PRKCZ: variants seen among roughly 807,000 people sequenced by gnomAD.
PRKCZ encodes protein kinase C zeta type.
Under a neutral mutation model 79.5 loss-of-function variants are expected in PRKCZ, and 33 were observed. The observed-to-expected ratio is 0.41, with a 90% CI of 0.31 to 0.55. PRKCZ has a LOEUF of 0.55. Ranked by LOEUF, PRKCZ falls within the 20% of genes least tolerant of loss-of-function variation. The probability of loss-of-function intolerance (pLI) is 0.19; values close to 1 mark genes in which losing one functional copy is unlikely to be tolerated. For synonymous variants in PRKCZ, 342 were observed against 320.9 expected, an observed-to-expected ratio of 1.07 and a Z score of -0.70; for missense variants, 578 against 813.5, an observed-to-expected ratio of 0.71 and a Z score of 3.52.
chr1:2,067,564 G>T (rs542523887), intron 4 of PRKCZ, among the ~76,000 whole-genome samples: 3 of 152,280 alleles, frequency 2.0e-5, no homozygotes, highest in African/African-American at 7.2e-5. Flanking sequence ...GTAATCGGGC[G>T]GTGGAGCTGG....
chr1:2,124,353 CGGT>C, intron 4 of PRKCZ, among the ~76,000 whole-genome samples: 1 of 2,530 alleles, frequency 4.0e-4, no homozygotes, highest in African/African-American at 1.1e-3. Context: ...AGGGTCACGG[CGGT>C]GGTTAGGGTC....
At chr1:2,129,642 A>C (rs940281357) in intron 4 of PRKCZ, among the ~76,000 whole-genome samples, 2 of 152,116 alleles carry the variant, frequency 1.3e-5, no homozygotes, top group African/African-American at 2.4e-5. Flanking sequence ...GGAGCCAGGC[A>C]GGGGGGGTCT....
chr1:2,149,230 G>A lies in PRKCZ; in HGVS notation c.687+306G>A, dbSNP rs1239196169. The stretch of plus-strand genomic sequence containing the variant: ...TACAGTGGCCCAGGGGCTGGCTTTT[G>A]AGCTGCAATTTTTATCAAGTTGTGT... On this transcript the variant is annotated intron_variant, in intron 8 of 17. Coordinates refer to ENST00000378567, the MANE Select transcript of PRKCZ (RefSeq NM_002744.6). The surrounding 1 kb of genome is among the most constrained non-coding windows in gnomAD (Gnocchi z 4.1). Among the ~76,000 whole-genome samples, 3 of 152,186 alleles carry A rather than the reference G, an allele frequency of 2.0e-5. No individual in the cohort carries two copies. Among genetic ancestry groups the A allele is most frequent in the Admixed American group, 6.5e-5 (1 of 15,284 alleles).
At chr1:2,076,139 G>A (rs1048517608) in intron 4 of PRKCZ, among the ~76,000 whole-genome samples, 1 of 152,234 alleles carries the variant, frequency 6.6e-6, no homozygotes, top group South Asian at 2.1e-4. Flanking sequence ...GGTGCCCAGT[G>A]CCATCGAGGG....
chr1:2,090,634 G>A (rs1263689682), intron 4 of PRKCZ, among the ~76,000 whole-genome samples: 3 of 152,230 alleles, frequency 2.0e-5, no homozygotes, highest in Non-Finnish European at 4.4e-5. Flanking sequence ...ATGTAGGAAT[G>A]AAGCCCTCGT....
chr1:2,131,068 G>A (rs1674860625), intron 4 of PRKCZ, among the ~76,000 whole-genome samples: 1 of 152,218 alleles, frequency 6.6e-6, no homozygotes. Context: ...CAGCTGGACT[G>A]CAGTGGGGTG....
chr1:2,134,391 A>G (rs917925179), intron 4 of PRKCZ, among the ~76,000 whole-genome samples: 10 of 152,194 alleles, frequency 6.6e-5, no homozygotes, highest in African/African-American at 2.4e-4. Flanking sequence ...TTTATGATGG[A>G]ATTTTATAAA....
chr1:2,148,557 C>G (rs1265184176), intron 7 of PRKCZ, among the ~76,000 whole-genome samples: 1 of 152,224 alleles, frequency 6.6e-6, no homozygotes, highest in Admixed American at 6.5e-5. Flanking sequence ...CATCCATCCA[C>G]CAGACATCCA....
chr1:2,150,755 C>G (rs758288113), intron 8 of PRKCZ, 35 bp from the exon 9 acceptor site: 5 of 1,592,704 alleles, frequency 3.1e-6, no homozygotes, highest in Middle Eastern at 1.7e-4. Flanking sequence ...GGGAACCCCC[C>G]TCTCACTTTC....
chr1:2,055,756 G>A (rs557085757), intron 2 of PRKCZ, 194 bp downstream of exon 2: 25 of 770,810 alleles, frequency 3.2e-5, no homozygotes, highest in Middle Eastern at 3.9e-4. Flanking sequence ...AAGGACCTGG[G>A]CCCAGATGCC....
intron 4 of PRKCZ, among the ~76,000 whole-genome samples, chr1:2,063,273 A>C (rs1444576072): frequency 2.0e-5 from 3 of 152,230 alleles, no homozygotes; most frequent in Non-Finnish European, 4.4e-5. Context: ...TTCTGGGTGT[A>C]GACCCGGAAG....
intron 4 of PRKCZ, among the ~76,000 whole-genome samples, chr1:2,060,166 A>T (rs929202938): frequency 5.9e-5 from 9 of 151,830 alleles, no homozygotes; most frequent in Non-Finnish European, 7.4e-5. Flanking sequence ...TTCCACCCCC[A>T]CTCTCCAGAC....
chr1:2,169,672 T>C, intron 11 of PRKCZ, 68 bp downstream of exon 11: 2 of 386,608 alleles, frequency 5.2e-6, no homozygotes, highest in Non-Finnish European at 6.7e-6. Flanking sequence ...CGTGCGGTGT[T>C]GGGGGGCTGG....
At chr1:2,055,409 G>T (rs201893395) in intron 1 of PRKCZ, 32 bp from the exon 2 acceptor site, 1 of 1,568,290 alleles carries the variant, frequency 6.4e-7, no homozygotes, top group East Asian at 2.3e-5. Flanking sequence ...TATGCCCCAC[G>T]GTAACAGATG....
In PRKCZ at chr1:2,144,302, C is replaced by T. The variant is rs1678026984; in HGVS notation, c.513C>T (p.Arg171=). 2 of 1,573,004 alleles carry T rather than the reference C, an allele frequency of 1.3e-6. No homozygotes were observed. The highest frequency in any genetic ancestry group is 1.3e-5 in the African/African-American group (1 of 74,554). Residue 171 remains arginine (R), a synonymous_variant, in exon 6 of 18, where the codon CGC becomes CGT. Coordinates refer to ENST00000378567, the MANE Select transcript of PRKCZ (RefSeq NM_002744.6). The stretch of plus-strand genomic sequence containing the variant: ...ACTGCAAACTGCTGGTCCATAAGCG[C>T]TGCCACGGCCTCGTCCCGCTGACCT... ...CINCKLLVHK[R]CHGLVPLTCR...
chr1:2,062,902 C>G (rs1311377560), intron 4 of PRKCZ, among the ~76,000 whole-genome samples: 2 of 152,174 alleles, frequency 1.3e-5, no homozygotes, highest in Non-Finnish European at 2.9e-5. Flanking sequence ...CCAGACTCAG[C>G]CTCTGTCTCC....
chr1:2,161,958 T>C (rs1571919977), intron 10 of PRKCZ, among the ~76,000 whole-genome samples: 1 of 152,074 alleles, frequency 6.6e-6, no homozygotes, highest in East Asian at 1.9e-4. Context: ...CTTTATAAAC[T>C]TGTATCCCAT....
rs914936655 is a variant in PRKCZ, at chr1:2,095,029, C to A, written c.334+35438C>A. 6.6e-5 allele frequency among the ~76,000 whole-genome samples: 10 copies of A among 152,292 alleles called. 1 individual carries two copies. The highest frequency in any genetic ancestry group is 4.6e-4 in the Admixed American group (7 of 15,312). ...GCAGACACTGACTGTCACCCCAGCC[C>A]CCCATGTGCTGCTCCGCCACACCCC... On this transcript the variant is annotated intron_variant, in intron 4 of 17. Coordinates refer to ENST00000378567, the MANE Select transcript of PRKCZ (RefSeq NM_002744.6).
At chr1:2,063,657 TGCA>T (rs1660884848) in intron 4 of PRKCZ, among the ~76,000 whole-genome samples, 1 of 152,152 alleles carries the variant, frequency 6.6e-6, no homozygotes. Flanking sequence ...CCATGGTGCC[TGCA>T]GCATTTTCCA....
Sources: allele counts gnomAD v4.1 joint callset (sites outside exome capture counted in the v4.1 genomes callset), GRCh38; gene constraint gnomAD v4.1.1; non-coding constraint Gnocchi (gnomAD v3.1); transcripts MANE v1.5; gene names NCBI Gene and HGNC (gene_info 2026-07-23, HGNC 2026-07-21).